PTPRT: variants seen among roughly 807,000 people sequenced by gnomAD.
The protein encoded by PTPRT is receptor-type tyrosine-protein phosphatase T.
A neutral mutation model predicts 176.8 loss-of-function variants in PTPRT; 56 were observed. That is an observed-to-expected ratio of 0.32 (90% CI 0.26 to 0.40). PTPRT has a LOEUF of 0.40. Ranked by LOEUF, PTPRT falls within the 10% of genes least tolerant of loss-of-function variation. The pLI is 1.00. For missense variants in PTPRT, 1,540 were observed against 1,908.2 expected (o/e 0.81, Z 3.60); for synonymous variants, 783 against 739.0 (o/e 1.06, Z -0.96).
At chr20:42,575,796 C>T (rs893975342) in intron 7 of PTPRT, among the ~76,000 whole-genome samples, 2 of 152,124 alleles carry the variant, frequency 1.3e-5, no homozygotes, top group Admixed American at 6.5e-5. Flanking sequence ...CCTGAACCTG[C>T]CCACTTTTCT....
rs56156122 is a variant in PTPRT, at chr20:42,694,040, CT to C, written c.860-15882del. Among the ~76,000 whole-genome samples, 720 of 138,404 alleles carry C rather than the reference CT, an allele frequency of 5.2e-3. 18 individuals carry two copies. The highest frequency in any genetic ancestry group is 0.015 in the African/African-American group (574 of 37,348). 90.8% of individuals were successfully genotyped at this position (138,404 alleles called of 152,430 possible). A position where few individuals can be genotyped will look rare whatever the true frequency, so the allele number is the denominator to read the frequency against. ...GGTTTTTTTTCTTTTATTTTATTTT[CT>C]TTTTTTTTTTTTTTTGAGCCAGAGT... On this transcript the variant is annotated intron_variant, in intron 6 of 30. Transcript: ENST00000373187.
rs558689985 is a variant in PTPRT, at chr20:42,338,720, C to T, written c.1865+11908G>A. Among the ~76,000 whole-genome samples the T allele has an allele frequency of 4.6e-5, 7 of 152,222 alleles. No individual in the cohort carries two copies. In the East Asian group the frequency reaches 5.8e-4, roughly 13 times the overall value. On this transcript the variant is annotated intron_variant, in intron 11 of 30. Transcript: ENST00000373187. Reference sequence around the variant, plus strand: ...CTCTGTTTCTCTCTCATAATTTCAGCTTTGCCTTTTAGCCACAAAGCAGGG... The same window carrying T: ...CTCTGTTTCTCTCTCATAATTTCAGTTTTGCCTTTTAGCCACAAAGCAGGG...
At chr20:42,650,178 A>C (rs1412431494) in intron 7 of PTPRT, among the ~76,000 whole-genome samples, 1 of 152,228 alleles carries the variant, frequency 6.6e-6, no homozygotes, top group African/African-American at 2.4e-5. Flanking sequence ...CCTTTTTTAC[A>C]GGTGATGAAG....
Position 42,155,126 on chromosome 20 carries a change from A to T in PTPRT, c.2682+6226T>A, listed in dbSNP as rs796268091. ...TGAAGTATATATCCCACCCCCAGTGATTCTGAAATGTGGCTGTACACTGAA... is the reference window on the plus strand; with the variant it reads ...TGAAGTATATATCCCACCCCCAGTGTTTCTGAAATGTGGCTGTACACTGAA... On this transcript the variant is annotated intron_variant, in intron 17 of 30. Transcript: ENST00000373187. Among the ~76,000 whole-genome samples, 128 of 152,276 alleles carry T rather than the reference A, an allele frequency of 8.4e-4. 2 individuals are homozygous for T. The highest frequency in any genetic ancestry group is 3.0e-3 in the African/African-American group (124 of 41,552).
At chr20:43,067,414 A>G (rs1002006716) in intron 1 of PTPRT, among the ~76,000 whole-genome samples, 1 of 152,200 alleles carries the variant, frequency 6.6e-6, no homozygotes, top group Non-Finnish European at 1.5e-5. Context: ...CTTATAGAAC[A>G]TTGTGAATGC....
intron 18 of PTPRT, among the ~76,000 whole-genome samples, chr20:42,129,288 T>C (rs1045762306): frequency 2.0e-5 from 3 of 152,212 alleles, no homozygotes; most frequent in African/African-American, 4.8e-5. Flanking sequence ...CCTTGGAGTA[T>C]TGTTAGAGAT....
At chr20:42,655,627 G>GAA (rs1283127779) in intron 7 of PTPRT, among the ~76,000 whole-genome samples, 1 of 152,180 alleles carries the variant, frequency 6.6e-6, no homozygotes, top group African/African-American at 2.4e-5. Flanking sequence ...TAAAACTGGA[G>GAA]AAAAAAGAAA....
At chr20:42,135,222 C>A (rs1988316113) in intron 18 of PTPRT, among the ~76,000 whole-genome samples, 1 of 152,216 alleles carries the variant, frequency 6.6e-6, no homozygotes. Context: ...CTCCCCTGAG[C>A]CTCTGTTTAC....
intron 13 of PTPRT, among the ~76,000 whole-genome samples, chr20:42,274,868 T>C (rs2057002723): frequency 6.6e-6 from 1 of 152,164 alleles, no homozygotes; most frequent in Non-Finnish European, 1.5e-5. Context: ...CATCACATGC[T>C]AAATATTCTA....
intron 18 of PTPRT, among the ~76,000 whole-genome samples, chr20:42,131,036 G>C (rs776969438): frequency 6.6e-6 from 1 of 152,182 alleles, no homozygotes; most frequent in African/African-American, 2.4e-5. Context: ...CCGAAGTTAC[G>C]CATCATGTGT....
intron 16 of PTPRT, among the ~76,000 whole-genome samples, chr20:42,180,260 C>G (rs940479308): frequency 6.6e-6 from 1 of 152,158 alleles, no homozygotes. Context: ...ACCTTTACAG[C>G]TGGAACAGGG....
At chr20:42,434,762 G>A (rs1311498366) in intron 9 of PTPRT, among the ~76,000 whole-genome samples, 1 of 151,336 alleles carries the variant, frequency 6.6e-6, no homozygotes, top group Non-Finnish European at 1.5e-5. Context: ...AGGAGTCCGA[G>A]ATCAGCCTGG....
At chr20:42,088,296 C>T (rs1353567805) in intron 27 of PTPRT, among the ~76,000 whole-genome samples, 1 of 152,086 alleles carries the variant, frequency 6.6e-6, no homozygotes, top group Non-Finnish European at 1.5e-5. Flanking sequence ...GTTCAGGCTA[C>T]CCCAGGCTTG....
intron 7 of PTPRT, among the ~76,000 whole-genome samples, chr20:42,590,416 C>T (rs905221265): frequency 2.0e-5 from 3 of 152,130 alleles, no homozygotes; most frequent in African/African-American, 7.2e-5. Flanking sequence ...ATAACTGGAG[C>T]AAGCACCTAC....
At chr20:43,038,004 T>TA (rs1568746901) in intron 1 of PTPRT, among the ~76,000 whole-genome samples, 2 of 152,120 alleles carry the variant, frequency 1.3e-5, no homozygotes, top group African/African-American at 2.4e-5. Flanking sequence ...CGTAAGACAG[T>TA]AAAAAAATCT....
chr20:43,119,083 C>T (rs976126258), intron 1 of PTPRT, among the ~76,000 whole-genome samples: 1 of 152,052 alleles, frequency 6.6e-6, no homozygotes. Context: ...TACAATATAA[C>T]CTTTGAAAAT....
chr20:42,462,332 T>G (rs900392050), intron 8 of PTPRT, among the ~76,000 whole-genome samples: 1 of 152,172 alleles, frequency 6.6e-6, no homozygotes, highest in African/African-American at 2.4e-5. Flanking sequence ...CCAGTGGTGC[T>G]TCTGGCTTCC....
intron 9 of PTPRT, among the ~76,000 whole-genome samples, chr20:42,373,976 C>T (rs2058620383): frequency 6.6e-6 from 1 of 152,140 alleles, no homozygotes; most frequent in Non-Finnish European, 1.5e-5. Context: ...GGGGTGGGGT[C>T]TGTCACCCTG....
intron 27 of PTPRT, among the ~76,000 whole-genome samples, chr20:42,090,942 G>GTACTCTCTCC (rs1268719328): frequency 1.3e-5 from 2 of 152,216 alleles, no homozygotes; most frequent in Non-Finnish European, 2.9e-5. Context: ...TGCCTAGTAA[G>GTACTCTCTCC]TACTCTCTCC....
Sources: gnomAD v4.1 joint callset for allele counts (sites outside exome capture counted in the v4.1 genomes callset) on GRCh38, gnomAD v4.1.1 for gene constraint, MANE v1.5 for transcripts, NCBI Gene and HGNC (gene_info 2026-07-23, HGNC 2026-07-21) for gene names.